Variants in TDP1 observed in about 807,000 individuals in gnomAD.
The protein encoded by TDP1 is tyr-DNA phosphodiesterase 1.
Under a neutral mutation model 81.5 loss-of-function variants are expected in TDP1, and 64 were observed. The observed-to-expected ratio is 0.79, with a 90% CI of 0.64 to 0.97. The LOEUF (loss-of-function observed/expected upper bound fraction) is 0.97, where lower values mean the gene tolerates loss of function less well. Ranked by LOEUF, TDP1 falls within the 50% of genes least tolerant of loss-of-function variation. The pLI is 0.00. For missense variants in TDP1, 723 were observed against 743.8 expected (o/e 0.97, Z 0.33); for synonymous variants, 256 against 264.3 (o/e 0.97, Z 0.30).
At chr14:89,979,641 G>A (rs1894753591) in intron 7 of TDP1, among the ~76,000 whole-genome samples, 1 of 152,130 alleles carries the variant, frequency 6.6e-6, no homozygotes, top group South Asian at 2.1e-4. Flanking sequence ...ACTCACAATA[G>A]TCCTGAAGTG....
chr14:89,983,395 C>T, intron 8 of TDP1: 1 of 212,098 alleles, frequency 4.7e-6, no homozygotes, highest in South Asian at 5.9e-5. Flanking sequence ...ATGCCCCTTG[C>T]TAGAAACTTG....
In TDP1 at chr14:89,984,539, C is replaced by T. The variant is rs768142523; in HGVS notation, c.908C>T (p.Pro303Leu). The stretch of plus-strand genomic sequence containing the variant: ...AGAATATGGTTGAGCCCCTTATACC[C>T]ACGAATTGCTGATGGAACCCACAAA... ...TQGIWLSPLY[P>L]RIADGTHKSG... Residue 303 changes from proline (P) to leucine (L), a missense_variant, in exon 9 of 17, where the codon CCA becomes CTA. Transcript: ENST00000335725. The T allele has an allele frequency of 2.5e-6, 4 of 1,613,914 alleles. No homozygotes were observed. In the African/African-American group the frequency reaches 5.3e-5, roughly 22 times the overall value.
At chr14:90,009,247 C>T in intron 14 of TDP1, among the ~76,000 whole-genome samples, 1 of 152,168 alleles carries the variant, frequency 6.6e-6, no homozygotes, top group Admixed American at 6.6e-5. Flanking sequence ...TCTTCAAGAA[C>T]CTGGAACCAA....
chr14:89,986,042 T>C (rs1895519806), intron 10 of TDP1, among the ~76,000 whole-genome samples: 1 of 152,216 alleles, frequency 6.6e-6, no homozygotes, highest in South Asian at 2.1e-4. Context: ...AATAAATAAA[T>C]TCCCTAAAGT....
intron 14 of TDP1, among the ~76,000 whole-genome samples, chr14:90,009,795 A>G (rs1884482843): frequency 6.6e-6 from 1 of 152,256 alleles, no homozygotes; most frequent in Non-Finnish European, 1.5e-5. Context: ...GCATAACAAT[A>G]GATAAATTGA....
rs1012762800 is a variant in TDP1, at chr14:90,024,644, A to G, written c.1644+5226A>G. Among the ~76,000 whole-genome samples, 6 of 152,322 alleles carry G rather than the reference A, an allele frequency of 3.9e-5. 1 individual carries two copies. The Middle Eastern group carries it at 0.014, about 345-fold the overall frequency. ...GTTGTAAAGCAATTTGCAGTATGGA[A>G]TAGCTCATCTGTAGCTGTCTTGAAA... On this transcript the variant is annotated intron_variant, in intron 15 of 16. Coordinates refer to ENST00000335725, the MANE Select transcript of TDP1 (RefSeq NM_018319.4).
intron 14 of TDP1, among the ~76,000 whole-genome samples, chr14:89,995,566 G>C (rs567159507): frequency 3.3e-4 from 50 of 152,270 alleles, no homozygotes; most frequent in African/African-American, 1.2e-3. Flanking sequence ...TAACAACTTA[G>C]ATACATAGAA....
At chr14:90,006,179 C>G (rs900196571) in intron 14 of TDP1, among the ~76,000 whole-genome samples, 8 of 152,154 alleles carry the variant, frequency 5.3e-5, no homozygotes, top group South Asian at 2.1e-4. Context: ...TTTACACTTG[C>G]AAAACCCCAC....
intron 8 of TDP1, 158 bp downstream of exon 8, chr14:89,980,790 CT>C: frequency 1.5e-6 from 1 of 665,468 alleles, no homozygotes; most frequent in Non-Finnish European, 2.6e-6. Flanking sequence ...TTACTGTATT[CT>C]TTTACTACCT....
intron 14 of TDP1, among the ~76,000 whole-genome samples, chr14:90,003,820 A>G (rs1681033865): frequency 6.6e-6 from 1 of 152,206 alleles, no homozygotes; most frequent in Non-Finnish European, 1.5e-5. Context: ...TTTTTGAGGA[A>G]ACATAAAAGA....
chr14:89,997,852 T>C (rs949035333), intron 14 of TDP1, among the ~76,000 whole-genome samples: 1 of 152,198 alleles, frequency 6.6e-6, no homozygotes, highest in African/African-American at 2.4e-5. Context: ...TTTAACCATT[T>C]ATCCAGCACA....
chr14:90,021,889 A>T (rs1056009322), intron 15 of TDP1, among the ~76,000 whole-genome samples: 3 of 151,776 alleles, frequency 2.0e-5, no homozygotes, highest in Non-Finnish European at 2.9e-5. Context: ...ACATCTCAAA[A>T]AACAGAGCCT....
intron 15 of TDP1, among the ~76,000 whole-genome samples, chr14:90,030,771 C>CTT (rs36117061): frequency 0.039 from 5,691 of 145,366 alleles, 374 homozygotes; most frequent in African/African-American, 0.13. Flanking sequence ...CATTTTTACT[C>CTT]TTTTTTTTTT....
At chr14:90,027,507 G>A (rs541890163) in intron 15 of TDP1, among the ~76,000 whole-genome samples, 152 of 152,272 alleles carry the variant, frequency 1.0e-3, no homozygotes, top group African/African-American at 3.5e-3. Flanking sequence ...ATTAATGCAC[G>A]TAGGCTGTAG....
chr14:90,009,588 G>GT (rs750673094), intron 14 of TDP1, among the ~76,000 whole-genome samples: 5 of 152,152 alleles, frequency 3.3e-5, no homozygotes, highest in Non-Finnish European at 7.3e-5. Flanking sequence ...AGATTGAAGG[G>GT]TAAGTGTGGT....
chr14:90,033,068 A>C (rs749352911), intron 15 of TDP1, 38 bp from the exon 16 acceptor site: 2 of 1,385,832 alleles, frequency 1.4e-6, no homozygotes, highest in South Asian at 2.3e-5. Context: ...AACCCAGAAA[A>C]TGGGGTGCAA....
intron 15 of TDP1, among the ~76,000 whole-genome samples, chr14:90,020,800 C>CTTTTTTTTTTTTT (rs869215666): frequency 8.1e-6 from 1 of 123,046 alleles, no homozygotes; most frequent in African/African-American, 3.4e-5. Context: ...CTAATCCAGT[C>CTTTTTTTTTTTTT]TTTTTTTTTT....
At chr14:90,033,486 A>G in intron 16 of TDP1, 1 of 468,460 alleles carries the variant, frequency 2.1e-6, no homozygotes, top group Non-Finnish European at 3.9e-6. Flanking sequence ...AAATATCATA[A>G]GTCAAAAATG....
At chr14:90,018,314 TTA>T (rs1885557655) in intron 14 of TDP1, among the ~76,000 whole-genome samples, 1 of 152,174 alleles carries the variant, frequency 6.6e-6, no homozygotes, top group African/African-American at 2.4e-5. Context: ...TATGGTGGGT[TTA>T]TGTTAGTCTC....
Sources: allele counts gnomAD v4.1 joint callset (sites outside exome capture counted in the v4.1 genomes callset), GRCh38; gene constraint gnomAD v4.1.1; transcripts MANE v1.5; gene names NCBI Gene and HGNC (gene_info 2026-07-23, HGNC 2026-07-21).